Variants in SLC45A4 observed in about 807,000 individuals in gnomAD.
SLC45A4 encodes the protein polyamine-transporter SLC45A4.
A neutral mutation model predicts 63.7 loss-of-function variants in SLC45A4; 32 were observed. The observed-to-expected ratio is 0.50, with a 90% CI of 0.38 to 0.67. The LOEUF is 0.67. Among genes scored for constraint, SLC45A4 ranks in the 30% least tolerant of loss-of-function variants. The pLI is 0.00. For missense variants in SLC45A4, 1,027 were observed against 1,157.7 expected, an observed-to-expected ratio of 0.89 and a Z score of 1.64; for synonymous variants, 535 against 510.0, an observed-to-expected ratio of 1.05 and a Z score of -0.66.
At chr8:141,238,297 T>C (rs1359020193) in intron 2 of SLC45A4, among the ~76,000 whole-genome samples, 1 of 152,226 alleles carries the variant, frequency 6.6e-6, no homozygotes, top group Non-Finnish European at 1.5e-5. Context: ...CCTTTTTTTT[T>C]CACATTTTTA....
chr8:141,265,017 C>T (rs1589830925), intron 1 of SLC45A4, among the ~76,000 whole-genome samples: 1 of 152,168 alleles, frequency 6.6e-6, no homozygotes, highest in African/African-American at 2.4e-5. Flanking sequence ...TAATCTAATT[C>T]TTTTGTTGTC....
chr8:141,300,300 C>T (rs987295466), intron 1 of SLC45A4, among the ~76,000 whole-genome samples: 4 of 152,226 alleles, frequency 2.6e-5, no homozygotes, highest in African/African-American at 7.2e-5. Context: ...CATCACACAA[C>T]GCAAAGTTCT....
chr8:141,245,181 C>T (rs1198374988), intron 2 of SLC45A4, among the ~76,000 whole-genome samples: 1 of 152,190 alleles, frequency 6.6e-6, no homozygotes, highest in Non-Finnish European at 1.5e-5. Flanking sequence ...TATGTGTCAA[C>T]TCTGCACACG....
At chr8:141,284,571 C>A (rs1375230417) in intron 1 of SLC45A4, among the ~76,000 whole-genome samples, 1 of 152,224 alleles carries the variant, frequency 6.6e-6, no homozygotes, top group Non-Finnish European at 1.5e-5. Flanking sequence ...GCCGTTCTTC[C>A]TATTCTGAAA....
In SLC45A4 at chr8:141,211,770, G is replaced by A. The variant is rs1825828723; in HGVS notation, c.2302-73C>T. 3 of 1,418,144 alleles carry A rather than the reference G, an allele frequency of 2.1e-6. No homozygotes were observed. The East Asian group carries it at 7.5e-5, about 35-fold the overall frequency. 87.8% of individuals were successfully genotyped at this position (1,418,144 alleles called of 1,614,324 possible). The stretch of plus-strand genomic sequence containing the variant: ...ACCATTATCTGAAGCATTCAGATAA[G>A]ACTTAGCAGAGAATGTCAGATTTTG... On this transcript the variant is annotated intron_variant, in intron 8 of 8. Transcript: ENST00000517878.
At chr8:141,268,072 T>C (rs994329702) in intron 1 of SLC45A4, among the ~76,000 whole-genome samples, 2 of 152,214 alleles carry the variant, frequency 1.3e-5, no homozygotes, top group Non-Finnish European at 2.9e-5. Flanking sequence ...GACGTCCTTG[T>C]GTAGGTGACT....
At chr8:141,279,004 T>C (rs1289438895) in intron 1 of SLC45A4, among the ~76,000 whole-genome samples, 2 of 152,202 alleles carry the variant, frequency 1.3e-5, no homozygotes, top group African/African-American at 4.8e-5. Context: ...GGGCACAGTT[T>C]CTCTCCACAG....
chr8:141,244,957 T>G (rs2369480), intron 2 of SLC45A4, among the ~76,000 whole-genome samples: 1,286 of 6,832 alleles, frequency 0.19, 20 homozygotes, highest in Middle Eastern at 0.33. Context: ...AAGACGTGGG[T>G]GGGGGGGGGG....
At chr8:141,231,112 T>C (rs1328184339) in intron 2 of SLC45A4, among the ~76,000 whole-genome samples, 5 of 152,132 alleles carry the variant, frequency 3.3e-5, no homozygotes, top group Non-Finnish European at 7.4e-5. Context: ...CCACATTCGG[T>C]CACGTTTCTA....
rs1314701527 is a variant in SLC45A4, at chr8:141,218,861, G to A, written c.779C>T (p.Pro260Leu). Reference protein sequence around the residue: ...LFSIDEEQYSPQQERSAEEPG... With the variant: ...LFSIDEEQYSLQQERSAEEPG... ...CTCCTCAGCGCTGCGCTCCTGCTGCGGGCTGTACTGCTCCTCGTCGATGCT... is the reference window on the plus strand; with the variant it reads ...CTCCTCAGCGCTGCGCTCCTGCTGCAGGCTGTACTGCTCCTCGTCGATGCT... Residue 260 changes from proline (P) to leucine (L), a missense_variant, in exon 5 of 9, where the codon CCG becomes CTG. Transcript: ENST00000517878. 13 of 1,613,374 alleles carry A rather than the reference G, an allele frequency of 8.1e-6. No individual in the cohort carries two copies. Among genetic ancestry groups the A allele is most frequent in the East Asian group, 6.7e-5 (3 of 44,892 alleles).
intron 1 of SLC45A4, among the ~76,000 whole-genome samples, chr8:141,255,584 C>T (rs773806276): frequency 2.6e-5 from 4 of 152,086 alleles, no homozygotes; most frequent in African/African-American, 4.8e-5. Flanking sequence ...GGCATGGTGG[C>T]GGGCGCCTGT....
At chr8:141,297,075 T>C (rs146754871) in intron 1 of SLC45A4, among the ~76,000 whole-genome samples, 1 of 151,652 alleles carries the variant, frequency 6.6e-6, no homozygotes, top group African/African-American at 2.4e-5. Context: ...AGTTACTGAG[T>C]CCCCCCCAGG....
rs1825884220 is a variant in SLC45A4, at chr8:141,212,309, A to G, written c.2189T>C (p.Leu730Pro). ...SEEAKEEQKGLSSPLAGEGRA... is the reference protein window; with the variant it reads ...SEEAKEEQKGPSSPLAGEGRA... The stretch of plus-strand genomic sequence containing the variant: ...GCCTTCGCCGGCCAACGGGGAAGAC[A>G]GGCCTTTCTGCTCCTCCTTGGCCTC... The change falls in exon 8 of 9, where the codon CTG becomes CCG. Residue 730 changes from leucine to proline, a missense_variant. By Grantham distance (98) the Leu-to-Pro change is moderately conservative. Transcript: ENST00000517878. 1 of 1,610,582 alleles carries G rather than the reference A, an allele frequency of 6.2e-7. No homozygotes were observed. The highest frequency in any genetic ancestry group is 8.5e-7 in the Non-Finnish European group (1 of 1,177,760).
intron 2 of SLC45A4, among the ~76,000 whole-genome samples, chr8:141,248,391 G>A (rs539872021): frequency 6.6e-6 from 1 of 152,058 alleles, no homozygotes; most frequent in Admixed American, 6.5e-5. Flanking sequence ...AACATAGTGA[G>A]ACTCCATCTC....
chr8:141,248,418 T>C (rs13274822), intron 2 of SLC45A4, among the ~76,000 whole-genome samples: 50,534 of 151,618 alleles, frequency 0.33, 9,205 homozygotes, highest in East Asian at 0.48. Flanking sequence ...AAATTTAAAA[T>C]ATTAGCTAGG....
chr8:141,283,753 C>T (rs571917987), intron 1 of SLC45A4, among the ~76,000 whole-genome samples: 1 of 152,194 alleles, frequency 6.6e-6, no homozygotes, highest in Admixed American at 6.5e-5. Flanking sequence ...GAAGAATCAA[C>T]GGCAGCCAGG....
intron 1 of SLC45A4, among the ~76,000 whole-genome samples, chr8:141,276,844 A>T (rs770540748): frequency 5.9e-5 from 9 of 152,216 alleles, no homozygotes; most frequent in African/African-American, 9.7e-5. Context: ...TGAGGCCCAG[A>T]CAGCGCTGGG....
Position 141,212,059 on chromosome 8 carries a change from TGGCCCGCACTGCCGGGTC to T in SLC45A4, c.2301+120_2301+137del, listed in dbSNP as rs554111067. 93 of 1,382,516 alleles carry T rather than the reference TGGCCCGCACTGCCGGGTC, an allele frequency of 6.7e-5. No individual in the cohort carries two copies. The East Asian group carries it at 2.2e-3, about 33-fold the overall frequency. 85.6% of individuals were successfully genotyped at this position (1,382,516 alleles called of 1,614,324 possible). A position where few individuals can be genotyped will look rare whatever the true frequency, so the allele number is the denominator to read the frequency against. On this transcript the variant is annotated intron_variant, in intron 8 of 8. Transcript: ENST00000517878. ...TGTGGCTATGGGGGCGGAGGGGCTC[TGGCCCGCACTGCCGGGTC>T]GGCCACAGCATCTGCAGGGTTCCGC... is the stretch of plus-strand genomic sequence containing the variant.
chr8:141,253,936 T>C, intron 2 of SLC45A4, 53 bp downstream of exon 2: 2 of 1,527,004 alleles, frequency 1.3e-6, no homozygotes, highest in Non-Finnish European at 1.8e-6. Flanking sequence ...CCACGCCCAG[T>C]CCGCTAGCAC....
Sources: allele counts gnomAD v4.1 joint callset (sites outside exome capture counted in the v4.1 genomes callset), GRCh38; gene constraint gnomAD v4.1.1; transcripts MANE v1.5; gene names NCBI Gene and HGNC (gene_info 2026-07-23, HGNC 2026-07-21).